CEP128: variants seen among roughly 807,000 people sequenced by gnomAD.
The protein encoded by CEP128 is centrosomal protein 128kDa.
Under a neutral mutation model 156.7 loss-of-function variants are expected in CEP128, and 132 were observed. That is an observed-to-expected ratio of 0.84 (90% CI 0.73 to 0.97). CEP128 has a LOEUF of 0.97. Among genes scored for constraint, CEP128 ranks in the 50% least tolerant of loss-of-function variants. The probability of loss-of-function intolerance (pLI) is 0.00; values close to 1 mark genes in which losing one functional copy is unlikely to be tolerated. For missense variants in CEP128, 1,252 were observed against 1,281.9 expected (o/e 0.98, Z 0.36); for synonymous variants, 469 against 448.9 (o/e 1.04, Z -0.57).
At chr14:80,540,385 T>C (rs1490768521) in intron 21 of CEP128, among the ~76,000 whole-genome samples, 1 of 152,086 alleles carries the variant, frequency 6.6e-6, no homozygotes, top group Non-Finnish European at 1.5e-5. Flanking sequence ...TTTGAAATAA[T>C]GGGAACAGGT....
At chr14:80,499,928 A>T (rs1278965330) in intron 24 of CEP128, among the ~76,000 whole-genome samples, 1 of 152,204 alleles carries the variant, frequency 6.6e-6, no homozygotes, top group African/African-American at 2.4e-5. Flanking sequence ...GTCTTCTAAA[A>T]GAGTGTCCTG....
intron 19 of CEP128, among the ~76,000 whole-genome samples, chr14:80,732,834 C>T (rs140723910): frequency 3.3e-5 from 5 of 152,178 alleles, no homozygotes; most frequent in African/African-American, 1.2e-4. Context: ...GCAGAAGACA[C>T]AGACTACAGG....
In CEP128 at chr14:80,497,002, T is replaced by G. The variant is rs926542796; in HGVS notation, c.*477A>C. 6.5e-6 allele frequency: 1 copy of G among 154,816 alleles called. No individual in the cohort carries two copies. The highest frequency in any genetic ancestry group is 2.4e-5 in the African/African-American group (1 of 41,240). The allele number at this position is 154,816 out of a possible 1,614,324, so 9.6% of individuals were successfully genotyped here. A position where few individuals can be genotyped will look rare whatever the true frequency, so the allele number is the denominator to read the frequency against. ...CTGTCTAATGTTATATATGCACATC[T>G]CCACATGTTATAACACATGATAATT... On this transcript the variant is annotated 3_prime_UTR_variant, in exon 25 of 25. Coordinates refer to ENST00000555265, the MANE Select transcript of CEP128 (RefSeq NM_152446.5).
chr14:80,521,794 TC>T lies in CEP128; in HGVS notation c.3072+5074del, dbSNP rs567534438. 2.9e-3 allele frequency among the ~76,000 whole-genome samples: 444 copies of T among 152,302 alleles called. 3 individuals are homozygous for T. The highest frequency in any genetic ancestry group is 6.9e-3 in the African/African-American group (287 of 41,568). On this transcript the variant is annotated intron_variant, in intron 23 of 24. Coordinates refer to ENST00000555265, the MANE Select transcript of CEP128 (RefSeq NM_152446.5). ...TGTACACTCACTGTGTGTTCTGGAG[TC>T]CCGGCAGTGCTTGCCTTCAAAAGCC...
intron 8 of CEP128, among the ~76,000 whole-genome samples, chr14:80,885,006 A>T (rs111867879): frequency 0.026 from 3,986 of 152,256 alleles, 111 homozygotes; most frequent in Non-Finnish European, 0.041. Flanking sequence ...TTTTCCCCTC[A>T]TAGTGTTAAC....
intron 14 of CEP128, among the ~76,000 whole-genome samples, chr14:80,481,995 A>G (rs2140147207): frequency 6.6e-6 from 1 of 152,392 alleles, no homozygotes; most frequent in Non-Finnish European, 1.5e-5. Flanking sequence ...ATTCTGGTAC[A>G]GCTGTACCTT....
rs542783921 is a variant in CEP128, at chr14:80,673,871, G to C, written c.2806+69204C>G. Among the ~76,000 whole-genome samples the C allele has an allele frequency of 1.5e-4, 23 of 151,230 alleles. 1 individual carries two copies. The South Asian group carries it at 4.4e-3, about 29-fold the overall frequency. On this transcript the variant is annotated intron_variant, in intron 19 of 24. Transcript: ENST00000555265. ...CAACAATTAATTAATTCAAGAATACGCTATCTTCACTGCAGAAATAATAAA... is the reference window on the plus strand; with the variant it reads ...CAACAATTAATTAATTCAAGAATACCCTATCTTCACTGCAGAAATAATAAA...
chr14:80,562,028 C>T (rs949926003), intron 20 of CEP128, among the ~76,000 whole-genome samples: 34 of 151,668 alleles, frequency 2.2e-4, no homozygotes, highest in Non-Finnish European at 3.1e-4. Context: ...CCCAAGTTCA[C>T]GCCATTCTCC....
chr14:80,485,570 T>C (rs1887144351), downstream of CEP128, among the ~76,000 whole-genome samples: 1 of 151,636 alleles, frequency 6.6e-6, no homozygotes, highest in African/African-American at 2.4e-5. Flanking sequence ...TAACCAACTT[T>C]ATCAGCGTAC....
At chr14:80,507,694 G>T (rs1444577163) in intron 23 of CEP128, among the ~76,000 whole-genome samples, 4 of 152,146 alleles carry the variant, frequency 2.6e-5, no homozygotes, top group Admixed American at 2.6e-4. Context: ...GACAGACAGT[G>T]AGAGGACAGG....
At chr14:80,946,330 GATGATGCCTCATGATGCATCA>G (rs1385358826), upstream of CEP128, among the ~76,000 whole-genome samples, 2 of 65,152 alleles carry the variant, frequency 3.1e-5, no homozygotes, top group African/African-American at 6.0e-5. Flanking sequence ...GATGCATCAT[GATGATGCCTCATGATGCATCA>G]TGATGATGCC....
chr14:80,547,080 T>TA lies in CEP128; in HGVS notation c.2880+12198dup, dbSNP rs560898322. ...GTATTACAGCTGTTATGCAGATGCA[T>TA]AAAAAAAGGTCAACTGAGGTGTTTA... On this transcript the variant is annotated intron_variant, in intron 21 of 24. Coordinates refer to ENST00000555265, the MANE Select transcript of CEP128 (RefSeq NM_152446.5). Among the ~76,000 whole-genome samples, 384 of 152,130 alleles carry TA rather than the reference T, an allele frequency of 2.5e-3. 2 individuals carry two copies. The highest frequency in any genetic ancestry group is 8.4e-3 in the African/African-American group (349 of 41,530).
intron 19 of CEP128, 78 bp downstream of exon 19, chr14:80,742,997 A>G: frequency 8.0e-7 from 1 of 1,250,622 alleles, no homozygotes; most frequent in Non-Finnish European, 1.1e-6. Flanking sequence ...ATGCAACAGA[A>G]GTAGGTTTTT....
chr14:80,627,526 C>T (rs1344577722), intron 19 of CEP128, among the ~76,000 whole-genome samples: 1 of 152,078 alleles, frequency 6.6e-6, no homozygotes. Flanking sequence ...CATTTGGTGG[C>T]TAATTTCATG....
intron 4 of CEP128, among the ~76,000 whole-genome samples, chr14:80,906,870 GA>G (rs1934326669): frequency 1.3e-5 from 2 of 152,178 alleles, no homozygotes; most frequent in South Asian, 4.1e-4. Flanking sequence ...GAATTGCTGG[GA>G]AACTTCGGGT....
chr14:80,840,857 G>A, intron 9 of CEP128, 89 bp from the exon 10 acceptor site: 1 of 779,448 alleles, frequency 1.3e-6, no homozygotes, highest in Non-Finnish European at 2.2e-6. Context: ...TAGGGCTGAA[G>A]AAGACATGGA....
At chr14:80,839,333 T>G (rs1886240195) in intron 10 of CEP128, among the ~76,000 whole-genome samples, 1 of 152,238 alleles carries the variant, frequency 6.6e-6, no homozygotes, top group South Asian at 2.1e-4. Flanking sequence ...AATTATCATT[T>G]CAGTTGAACA....
chr14:80,922,944 A>G (rs532479866), intron 2 of CEP128, among the ~76,000 whole-genome samples: 4 of 152,348 alleles, frequency 2.6e-5, no homozygotes, highest in African/African-American at 9.6e-5. Flanking sequence ...GCAGCTTACT[A>G]CCACCTGCTG....
At chr14:80,577,207 C>A (rs1891396060) in intron 20 of CEP128, among the ~76,000 whole-genome samples, 1 of 152,056 alleles carries the variant, frequency 6.6e-6, no homozygotes, top group South Asian at 2.1e-4. Context: ...GATTTCATTT[C>A]TCCTCATTCT....
Sources: gnomAD v4.1 joint callset for allele counts (sites outside exome capture counted in the v4.1 genomes callset) on GRCh38, gnomAD v4.1.1 for gene constraint, MANE v1.5 for transcripts, NCBI Gene and HGNC (gene_info 2026-07-23, HGNC 2026-07-21) for gene names.